TPM3: variants seen among roughly 807,000 people sequenced by gnomAD.
TPM3 encodes tropomyosin 3.
A neutral mutation model predicts 43.1 loss-of-function variants in TPM3; 16 were observed. The ratio of observed to expected loss-of-function variants is 0.37; its 90% CI spans 0.25 to 0.56. The LOEUF (loss-of-function observed/expected upper bound fraction) is 0.56. Among genes scored for constraint, TPM3 ranks in the 20% least tolerant of loss-of-function variants. The pLI, the probability that TPM3 is intolerant of heterozygous loss-of-function variation, is 0.77. For synonymous variants in TPM3, 101 were observed against 116.9 expected, an observed-to-expected ratio of 0.86 and a Z score of 0.88; for missense variants, 176 against 337.2, an observed-to-expected ratio of 0.52 and a Z score of 3.74.
intron 2 of TPM3, chr1:154,183,679 GC>G (rs1306583689): frequency 5.7e-6 from 1 of 175,612 alleles, no homozygotes; most frequent in African/African-American, 2.4e-5. Flanking sequence ...GTTCAAAAGA[GC>G]CCCACTCAGT....
chr1:154,157,273 T>G, downstream of TPM3: 4 of 406,796 alleles, frequency 9.8e-6, no homozygotes, highest in South Asian at 7.4e-5. Flanking sequence ...GAGAAAGGGA[T>G]TCGATTGCTG....
chr1:154,180,633 CG>C (rs1662838870), intron 2 of TPM3, among the ~76,000 whole-genome samples: 1 of 152,136 alleles, frequency 6.6e-6, no homozygotes, highest in African/African-American at 2.4e-5. Context: ...CCAGGACAGG[CG>C]CAGTGGCTCA....
chr1:154,161,749 T>A (rs760618290), downstream of TPM3, among the ~76,000 whole-genome samples: 1 of 152,050 alleles, frequency 6.6e-6, no homozygotes, highest in Non-Finnish European at 1.5e-5. Context: ...GTTATCAGGA[T>A]CTTTATCCCT....
chr1:154,191,491 C>G, intron 1 of TPM3, 180 bp from the exon 2 acceptor site: 1 of 1,316,914 alleles, frequency 7.6e-7, no homozygotes, highest in East Asian at 2.5e-5. Context: ...GGCCTGTGAC[C>G]CTGTAATCTC....
chr1:154,189,057 G>A (rs887160191), intron 2 of TPM3, among the ~76,000 whole-genome samples: 38 of 141,170 alleles, frequency 2.7e-4, no homozygotes, highest in African/African-American at 9.2e-4. Context: ...ACTTGAACCC[G>A]GGAGGTGGAG....
chr1:154,156,819 T>C, downstream of TPM3: 1 of 197,694 alleles, frequency 5.1e-6, no homozygotes, highest in Non-Finnish European at 1.0e-5. Context: ...GCTAAATCAG[T>C]GGCAAAAACA....
At position 154,163,758 on chromosome 1, in the gene TPM3, C is replaced by A. The variant is rs1660641295; in HGVS notation, c.*4179G>T. Among the ~76,000 whole-genome samples, 1 of 152,068 alleles carries A rather than the reference C, an allele frequency of 6.6e-6. No homozygotes were observed. On this transcript the variant is annotated 3_prime_UTR_variant, in exon 10 of 10. Coordinates refer to ENST00000651641, the MANE Select transcript of TPM3 (RefSeq NM_152263.4). ...ACGCCATTCTCCTGCCTCAGCCTCC[C>A]AAGTAGTTGGGACTACAGGTGCCCG...
chr1:154,183,180 C>T (rs1663173404), intron 2 of TPM3: 2 of 1,595,316 alleles, frequency 1.3e-6, no homozygotes, highest in Non-Finnish European at 1.7e-6. Context: ...GCGTTGCAGC[C>T]TCCTCTCACC....
At chr1:154,180,560 A>G (rs148023621) in intron 2 of TPM3, among the ~76,000 whole-genome samples, 2 of 152,254 alleles carry the variant, frequency 1.3e-5, no homozygotes, top group East Asian at 3.9e-4. Flanking sequence ...CTTCCTCACT[A>G]GACCTCAGCT....
At chr1:154,168,838 CTT>C (rs745516100) in intron 9 of TPM3, among the ~76,000 whole-genome samples, 41 of 138,382 alleles carry the variant, frequency 3.0e-4, no homozygotes, top group Non-Finnish European at 2.5e-4. Context: ...TAATGTTTTT[CTT>C]TTTTTTTTTT....
chr1:154,170,770 C>A (rs1322637981), intron 6 of TPM3, 59 bp from the exon 7 acceptor site: 1 of 1,122,214 alleles, frequency 8.9e-7, no homozygotes, highest in Non-Finnish European at 1.4e-6. Context: ...GGCAATACCC[C>A]CCTCCCTACA....
intron 2 of TPM3, among the ~76,000 whole-genome samples, chr1:154,188,727 G>T (rs900048095): frequency 6.7e-6 from 1 of 149,454 alleles, no homozygotes; most frequent in African/African-American, 2.5e-5. Context: ...GGAAGAATGA[G>T]TTTAAATGAT....
chr1:154,171,679 C>A, intron 5 of TPM3, 191 bp from the exon 6 acceptor site: 1 of 679,646 alleles, frequency 1.5e-6, no homozygotes, highest in Middle Eastern at 3.8e-4. Context: ...GTGTCAGGAG[C>A]TAGACCTTCC....
chr1:154,171,633 G>A, intron 5 of TPM3, 145 bp from the exon 6 acceptor site: 1 of 884,922 alleles, frequency 1.1e-6, no homozygotes, highest in Non-Finnish European at 1.8e-6. Flanking sequence ...CAAGTAACCT[G>A]AGCAAGCATC....
rs984724245 is a variant in TPM3 at position 154,164,182 on chromosome 1, G to C, written c.*3755C>G. 8.6e-5 allele frequency among the ~76,000 whole-genome samples: 13 copies of C among 151,744 alleles called. No individual in the cohort carries two copies. The highest frequency in any genetic ancestry group is 2.9e-4 in the African/African-American group (12 of 41,274). On this transcript the variant is annotated 3_prime_UTR_variant, in exon 10 of 10. Coordinates refer to ENST00000651641, the MANE Select transcript of TPM3 (RefSeq NM_152263.4). ...CCACCACTTTCCTACTCTTTTTTTG[G>C]GGGGGGTCTCATTCTGCCACCCAGG...
intron 1 of TPM3, chr1:154,191,561 T>C (rs918391874): frequency 1.5e-6 from 2 of 1,339,248 alleles, no homozygotes; most frequent in African/African-American, 2.9e-5. Context: ...ATGATAAATA[T>C]CTAAAGTGTA....
rs781032589 is a variant in TPM3 at position 154,169,328 on chromosome 1, G to A, written c.831C>T (p.His277=). ...KYKAISEELD[H]ALNDMTSI ...ACATAGAGGTCATGTCATTGAGGGC[G>A]TGGTCCAGCTCCTCGCTAATGGCCT... The change falls in exon 9 of 10, where the codon CAC becomes CAT. Residue 277 remains histidine, a synonymous_variant. Coordinates refer to ENST00000651641, the MANE Select transcript of TPM3 (RefSeq NM_152263.4). The A allele has an allele frequency of 9.9e-6, 16 of 1,614,178 alleles. No individual in the cohort carries two copies. The highest frequency in any genetic ancestry group is 2.2e-5 in the East Asian group (1 of 44,876).
At chr1:154,178,593 GCA>G (rs1404430553) in intron 2 of TPM3, among the ~76,000 whole-genome samples, 1 of 152,194 alleles carries the variant, frequency 6.6e-6, no homozygotes, top group African/African-American at 2.4e-5. Flanking sequence ...ATGAGTCTAT[GCA>G]CAGTGCCTGT....
chr1:154,172,684 C>G, intron 5 of TPM3: 2 of 610,144 alleles, frequency 3.3e-6, no homozygotes, highest in Admixed American at 2.7e-5. Context: ...TTTGTAAACC[C>G]TACCAACAAA....
Sources: allele counts gnomAD v4.1 joint callset (sites outside exome capture counted in the v4.1 genomes callset), GRCh38; gene constraint gnomAD v4.1.1; transcripts MANE v1.5; gene names NCBI Gene and HGNC (gene_info 2026-07-23, HGNC 2026-07-21).